The following TRIM44 variants were observed in gnomAD, a reference collection of about 807,000 sequenced individuals.
The protein encoded by TRIM44 is tripartite motif-containing protein 44.
In TRIM44, 13 loss-of-function variants were observed where a neutral mutation model predicts 37.4. The ratio of observed to expected loss-of-function variants is 0.35; its 90% CI spans 0.23 to 0.55. The LOEUF is 0.55. TRIM44 is among the 20% of genes least tolerant of loss of function. TRIM44 has a pLI of 0.89. For missense variants in TRIM44, 426 were observed against 437.2 expected, an observed-to-expected ratio of 0.97 and a Z score of 0.23; for synonymous variants, 175 against 157.2, an observed-to-expected ratio of 1.11 and a Z score of -0.85.
chr11:35,749,602 T>C (rs528181351), intron 4 of TRIM44, among the ~76,000 whole-genome samples: 12 of 152,334 alleles, frequency 7.9e-5, no homozygotes, highest in African/African-American at 2.6e-4. Flanking sequence ...CCATAATTGC[T>C]TGAACCGCGA....
intron 4 of TRIM44, among the ~76,000 whole-genome samples, chr11:35,804,894 G>A (rs1465274904): frequency 6.6e-6 from 1 of 152,188 alleles, no homozygotes; most frequent in African/African-American, 2.4e-5. Flanking sequence ...TCTGCCCTTA[G>A]TGGAAGTTCT....
At chr11:35,709,030 C>G (rs1483813686) in intron 2 of TRIM44, among the ~76,000 whole-genome samples, 2 of 151,976 alleles carry the variant, frequency 1.3e-5, no homozygotes, top group Admixed American at 6.6e-5. Flanking sequence ...GACCTCTACC[C>G]CAATCCCTTC....
intron 4 of TRIM44, among the ~76,000 whole-genome samples, chr11:35,802,756 C>A (rs527945083): frequency 3.2e-4 from 49 of 152,268 alleles, no homozygotes; most frequent in African/African-American, 1.1e-3. Context: ...AGACCTGCCA[C>A]CTAGAAGGGT....
At chr11:35,666,822 T>C (rs1412934613) in intron 1 of TRIM44, among the ~76,000 whole-genome samples, 1 of 150,226 alleles carries the variant, frequency 6.7e-6, no homozygotes, top group Non-Finnish European at 1.5e-5. Context: ...TGATTAACTT[T>C]TATATATTGT....
At chr11:35,682,478 C>T (rs1851531028) in intron 1 of TRIM44, among the ~76,000 whole-genome samples, 1 of 152,022 alleles carries the variant, frequency 6.6e-6, no homozygotes, top group Non-Finnish European at 1.5e-5. Context: ...AGGTCTGCCC[C>T]GAGGAGCCTC....
At chr11:35,702,044 T>G (rs1288697425) in intron 2 of TRIM44, among the ~76,000 whole-genome samples, 1 of 152,172 alleles carries the variant, frequency 6.6e-6, no homozygotes. Flanking sequence ...AGCCTCTCAA[T>G]TTTGCAAGTT....
intron 2 of TRIM44, among the ~76,000 whole-genome samples, chr11:35,688,412 A>G (rs1162233618): frequency 6.6e-6 from 1 of 152,232 alleles, no homozygotes; most frequent in Non-Finnish European, 1.5e-5. Flanking sequence ...ATACATACTT[A>G]TAGATTTAAA....
intron 2 of TRIM44, among the ~76,000 whole-genome samples, chr11:35,721,363 C>T (rs1852104431): frequency 6.6e-6 from 1 of 152,106 alleles, no homozygotes; most frequent in Non-Finnish European, 1.5e-5. Flanking sequence ...CTTGTAATTC[C>T]ACCATTCACA....
At chr11:35,703,831 G>A (rs1851833746) in intron 2 of TRIM44, among the ~76,000 whole-genome samples, 1 of 152,150 alleles carries the variant, frequency 6.6e-6, no homozygotes, top group Admixed American at 6.5e-5. Flanking sequence ...AGAAAAACTG[G>A]AAACTCTAAA....
chr11:35,681,938 ACCTATGTCC>A (rs1851524610), intron 1 of TRIM44, among the ~76,000 whole-genome samples: 1 of 143,814 alleles, frequency 7.0e-6, no homozygotes, highest in Non-Finnish European at 1.5e-5. Flanking sequence ...CATGCCCCTG[ACCTATGTCC>A]CATACTTTTT....
rs1853449848 is a variant in TRIM44, at chr11:35,806,426, TGTGTATGTGACAGC to T, written c.*50_*63del. On this transcript the variant is annotated 3_prime_UTR_variant, in exon 5 of 5. Transcript: ENST00000299413. Reference sequence around the variant, plus strand: ...AGTGGAAAATCATCCCCTCCCCTTGTGTGTATGTGACAGCGTGTATGTAACGGCTTCTGATTTCT... The same window carrying T: ...AGTGGAAAATCATCCCCTCCCCTTGTGTGTATGTAACGGCTTCTGATTTCT... 1.9e-6 allele frequency: 3 copies of T among 1,610,648 alleles called. No individual in the cohort carries two copies. Among genetic ancestry groups the T allele is most frequent in the African/African-American group, 1.3e-5 (1 of 74,958 alleles).
chr11:35,723,843 C>G (rs1014269656), intron 2 of TRIM44, among the ~76,000 whole-genome samples: 3 of 152,160 alleles, frequency 2.0e-5, no homozygotes, highest in Non-Finnish European at 4.4e-5. Flanking sequence ...GGTTTGGTCT[C>G]TGAGAGAAGG....
intron 2 of TRIM44, among the ~76,000 whole-genome samples, chr11:35,686,212 G>A (rs182833850): frequency 3.0e-4 from 45 of 152,152 alleles, no homozygotes; most frequent in Middle Eastern, 3.4e-3. Flanking sequence ...GGAGGTAAAC[G>A]GAACTGAACA....
rs575033639 is a variant in TRIM44 at position 35,757,237 on chromosome 11, G to A, written c.1007+21792G>A. ...CTTCCTGGTTTAGTCTTGGGAGGGC[G>A]TATGTGTTGAGGAATTTATCCATTT... On this transcript the variant is annotated intron_variant, in intron 4 of 4. Transcript: ENST00000299413. Among the ~76,000 whole-genome samples the A allele has an allele frequency of 8.5e-5, 13 of 152,250 alleles. No individual in the cohort carries two copies. In the East Asian group the frequency reaches 1.9e-3, roughly 23 times the overall value.
intron 2 of TRIM44, among the ~76,000 whole-genome samples, chr11:35,712,911 CT>C (rs1564970922): frequency 6.6e-6 from 1 of 152,134 alleles, no homozygotes; most frequent in Non-Finnish European, 1.5e-5. Context: ...TCCTGTCCCC[CT>C]CCTTCCTCTT....
At chr11:35,758,429 C>T (rs1219804259) in intron 4 of TRIM44, among the ~76,000 whole-genome samples, 4 of 152,176 alleles carry the variant, frequency 2.6e-5, no homozygotes, top group African/African-American at 9.7e-5. Context: ...ATACAGTACA[C>T]TGATGGGTCT....
At chr11:35,762,068 G>A (rs1046652871) in intron 4 of TRIM44, among the ~76,000 whole-genome samples, 1 of 152,180 alleles carries the variant, frequency 6.6e-6, no homozygotes, top group African/African-American at 2.4e-5. Context: ...CTTCAGGCTT[G>A]TGTACCTTGT....
At chr11:35,728,386 G>T (rs1391947531) in intron 3 of TRIM44, among the ~76,000 whole-genome samples, 1 of 152,074 alleles carries the variant, frequency 6.6e-6, no homozygotes, top group Non-Finnish European at 1.5e-5. Context: ...TATGAATTTA[G>T]TCCTTCTCTG....
intron 4 of TRIM44, among the ~76,000 whole-genome samples, chr11:35,785,074 A>G (rs1249908373): frequency 1.3e-5 from 2 of 152,218 alleles, no homozygotes; most frequent in Admixed American, 1.3e-4. Context: ...CTTGTCCTGT[A>G]CTGACTGAAA....
Sources: gnomAD v4.1 joint callset for allele counts (sites outside exome capture counted in the v4.1 genomes callset) on GRCh38, gnomAD v4.1.1 for gene constraint, MANE v1.5 for transcripts, NCBI Gene and HGNC (gene_info 2026-07-23, HGNC 2026-07-21) for gene names.